Variants in CNRIP1 observed in about 807,000 individuals in gnomAD.
The protein encoded by CNRIP1 is cannabinoid receptor interacting protein 1, also known as CB1 cannabinoid receptor-interacting protein 1.
CNRIP1 carries 10 observed loss-of-function variants against 15.2 expected under a neutral mutation model. That is an observed-to-expected ratio of 0.66 (90% CI 0.41 to 1.12). The LOEUF is 1.12. Among genes scored for constraint, CNRIP1 ranks in the 50% most tolerant of loss-of-function variants. The pLI, the probability that CNRIP1 is intolerant of heterozygous loss-of-function variation, is 0.00. For missense variants in CNRIP1, 211 were observed against 214.7 expected (o/e 0.98, Z 0.11); for synonymous variants, 91 against 83.2 (o/e 1.09, Z -0.51).
intron 2 of CNRIP1, among the ~76,000 whole-genome samples, chr2:68,297,109 ATTACT>A (rs1333393275): frequency 5.9e-5 from 9 of 152,274 alleles, no homozygotes; most frequent in Admixed American, 1.3e-4. Flanking sequence ...AAATTTAACG[ATTACT>A]TTACCAGAAA....
intron 2 of CNRIP1, among the ~76,000 whole-genome samples, chr2:68,306,223 G>A (rs1447549439): frequency 6.8e-6 from 1 of 147,306 alleles, no homozygotes; most frequent in Non-Finnish European, 1.5e-5. Flanking sequence ...AACCGCTTGA[G>A]TCTGGGAGGT....
chr2:68,319,373 G>A lies in CNRIP1; in HGVS notation c.28C>T (p.Leu10Phe). 1 of 1,584,818 alleles carries A rather than the reference G, an allele frequency of 6.3e-7. No individual in the cohort carries two copies. Among genetic ancestry groups the A allele is most frequent in the Non-Finnish European group, 8.6e-7 (1 of 1,167,276 alleles). ...GGCTGGATGCGCAGCGCGATGGAGA[G>A]GCGCACGAGGCCCGGCAGGTCCCCC... MGDLPGLVR[L>F]SIALRIQPND... is the part of the protein sequence containing the mutation. Residue 10 changes from leucine to phenylalanine, a missense_variant, in exon 1 of 3, where the codon CTC becomes TTC. By Grantham distance (22) the Leu-to-Phe change is conservative. Coordinates refer to ENST00000263655, the MANE Select transcript of CNRIP1 (RefSeq NM_015463.3).
At position 68,319,597 on chromosome 2, in the gene CNRIP1, C is replaced by A. The variant is rs931305396; in HGVS notation, c.-197G>T. The A allele has an allele frequency of 3.8e-6, 2 of 528,292 alleles. No homozygotes were observed. The highest frequency in any genetic ancestry group is 6.5e-6 in the Non-Finnish European group (2 of 307,664). 32.7% of individuals were successfully genotyped at this position (528,292 alleles called of 1,614,324 possible). On this transcript the variant is annotated 5_prime_UTR_variant, in exon 1 of 3. Transcript: ENST00000263655. The stretch of plus-strand genomic sequence containing the variant: ...TGAGGAGCAGCTCCTTAGGCTGTGG[C>A]CCCCCTCCCCACTCGGCGAGGAAGC...
At chr2:68,285,187 C>A (rs1369363715) in intron 2 of CNRIP1, among the ~76,000 whole-genome samples, 2 of 152,026 alleles carry the variant, frequency 1.3e-5, no homozygotes, top group African/African-American at 4.8e-5. Context: ...CCCTTCCAGG[C>A]CCCTCCCCTC....
chr2:68,309,322 CA>C (rs1671988047), intron 2 of CNRIP1, among the ~76,000 whole-genome samples: 1 of 152,150 alleles, frequency 6.6e-6, no homozygotes, highest in African/African-American at 2.4e-5. Context: ...ATAAAACCCC[CA>C]AAAGGCAAAA....
chr2:68,289,304 A>G (rs1385910688), downstream of CNRIP1, among the ~76,000 whole-genome samples: 1 of 152,168 alleles, frequency 6.6e-6, no homozygotes, highest in African/African-American at 2.4e-5. Context: ...ATTTTAAACT[A>G]TTTTTAAATA....
chr2:68,317,172 G>C lies in CNRIP1; in HGVS notation c.315C>G (p.Ile105Met), dbSNP rs199702930. The change falls in exon 2 of 3, where the codon ATC (isoleucine) becomes ATG (methionine). Residue 105 changes from isoleucine (I) to methionine (M), a missense_variant. Ile to Met is a conservative substitution (Grantham distance 10, BLOSUM62 1). Coordinates refer to ENST00000263655, the MANE Select transcript of CNRIP1 (RefSeq NM_015463.3). ...TPTKSGERQP[I>M]QITMPFTDIG... ...CAAGCCTTACCGGCATGGTGATCTG[G>C]ATGGGTTGCCGTTCTCCACTCTTCG... 1.9e-6 allele frequency: 3 copies of C among 1,614,154 alleles called. No homozygotes were observed. The highest frequency in any genetic ancestry group is 1.3e-5 in the African/African-American group (1 of 75,022).
intron 2 of CNRIP1, among the ~76,000 whole-genome samples, chr2:68,305,259 A>AAAAAAT (rs1267101468): frequency 8.0e-5 from 8 of 100,360 alleles, no homozygotes; most frequent in African/African-American, 2.9e-4. Flanking sequence ...AAAAAAAAAA[A>AAAAAAT]ATATATATAT....
chr2:68,289,584 G>A (rs2103880345), downstream of CNRIP1, among the ~76,000 whole-genome samples: 1 of 152,088 alleles, frequency 6.6e-6, no homozygotes, highest in South Asian at 2.1e-4. Context: ...GGGCTCAAGA[G>A]ATCCTTCCAC....
At chr2:68,315,511 A>C (rs1672238810) in intron 2 of CNRIP1, among the ~76,000 whole-genome samples, 1 of 152,204 alleles carries the variant, frequency 6.6e-6, no homozygotes, top group African/African-American at 2.4e-5. Context: ...TATAATACCG[A>C]AAACCAGAAA....
At chr2:68,286,816 C>A (rs2103874903) in intron 2 of CNRIP1, among the ~76,000 whole-genome samples, 2 of 152,306 alleles carry the variant, frequency 1.3e-5, no homozygotes, top group South Asian at 4.1e-4. Context: ...CCTCTGCTCA[C>A]AATAGCTATA....
chr2:68,309,898 T>G (rs1672010540), intron 2 of CNRIP1, among the ~76,000 whole-genome samples: 1 of 152,200 alleles, frequency 6.6e-6, no homozygotes, highest in African/African-American at 2.4e-5. Flanking sequence ...CAGCAAAAAG[T>G]CAATCCTTGA....
rs1039602018 is a variant in CNRIP1 at position 68,314,453 on chromosome 2, T to C, written c.330+2704A>G. ...CAAATATATCAAATAAGATAAATTA[T>C]CTCCAACTACTGCTACTAGCTGTAG... is the stretch of plus-strand genomic sequence containing the variant. On this transcript the variant is annotated intron_variant, in intron 2 of 2. Transcript: ENST00000263655. 9.9e-5 allele frequency among the ~76,000 whole-genome samples: 15 copies of C among 152,086 alleles called. No homozygotes were observed. In the East Asian group the frequency reaches 2.1e-3, roughly 22 times the overall value.
chr2:68,317,397 C>T (rs925030521), intron 1 of CNRIP1, 90 bp from the exon 2 acceptor site: 1 of 1,377,822 alleles, frequency 7.3e-7, no homozygotes, highest in Admixed American at 1.8e-5. Context: ...AGGAAACTTA[C>T]AGGGTTTCAC....
chr2:68,311,752 G>T (rs1204368451), intron 2 of CNRIP1, among the ~76,000 whole-genome samples: 1 of 124,782 alleles, frequency 8.0e-6, no homozygotes, highest in African/African-American at 3.2e-5. Flanking sequence ...TCCAGCCTGA[G>T]AGACAGAGTG....
At chr2:68,313,932 C>T (rs1029560697) in intron 2 of CNRIP1, among the ~76,000 whole-genome samples, 1 of 152,098 alleles carries the variant, frequency 6.6e-6, no homozygotes, top group African/African-American at 2.4e-5. Flanking sequence ...CCATGTTGGG[C>T]TTCTCATCCA....
At chr2:68,289,927 TGAGGCACA>T (rs1256832105), downstream of CNRIP1, among the ~76,000 whole-genome samples, 7 of 152,224 alleles carry the variant, frequency 4.6e-5, no homozygotes, top group East Asian at 1.4e-3. Flanking sequence ...ATGAGAAAAT[TGAGGCACA>T]GAGGTATTAA....
intron 2 of CNRIP1, among the ~76,000 whole-genome samples, chr2:68,303,878 A>G (rs1281514147): frequency 6.6e-6 from 1 of 152,212 alleles, no homozygotes; most frequent in Non-Finnish European, 1.5e-5. Flanking sequence ...GGAGTTTGAG[A>G]CCAGCTTGGC....
intron 2 of CNRIP1, among the ~76,000 whole-genome samples, chr2:68,294,892 T>C (rs1379607197): frequency 6.6e-6 from 1 of 152,166 alleles, no homozygotes; most frequent in African/African-American, 2.4e-5. Flanking sequence ...TTCCAGAAGG[T>C]AGGCCCTGTA....
Sources: gnomAD v4.1 joint callset for allele counts (sites outside exome capture counted in the v4.1 genomes callset) on GRCh38, gnomAD v4.1.1 for gene constraint, MANE v1.5 for transcripts, NCBI Gene and HGNC (gene_info 2026-07-23, HGNC 2026-07-21) for gene names.